The following ROBO2 variants were observed in gnomAD, a reference collection of about 807,000 sequenced individuals.
The protein encoded by ROBO2 is roundabout guidance receptor 2, also known as roundabout homolog 2.
In ROBO2, 53 loss-of-function variants were observed where a neutral mutation model predicts 160.8. The observed-to-expected ratio is 0.33, with a 90% CI of 0.26 to 0.41. The LOEUF (loss-of-function observed/expected upper bound fraction) is 0.41. Ranked by LOEUF, ROBO2 falls within the 10% of genes least tolerant of loss-of-function variation. ROBO2 has a pLI of 1.00. For synonymous variants in ROBO2, 664 were observed against 611.7 expected (o/e 1.09, Z -1.26); for missense variants, 1,577 against 1,722.4 (o/e 0.92, Z 1.49).
At chr3:77,339,118 C>T (rs2066790069) in intron 2 of ROBO2, among the ~76,000 whole-genome samples, 1 of 151,956 alleles carries the variant, frequency 6.6e-6, no homozygotes, top group South Asian at 2.1e-4. Flanking sequence ...CCTTATTTTA[C>T]AGGAGATGCG....
At chr3:76,537,587 A>G (rs918127069) in intron 2 of ROBO2, among the ~76,000 whole-genome samples, 12 of 152,090 alleles carry the variant, frequency 7.9e-5, no homozygotes, top group African/African-American at 2.4e-4. Context: ...TGAGGACCCA[A>G]GGTCATATGT....
At chr3:76,520,525 C>G (rs886416871) in intron 2 of ROBO2, among the ~76,000 whole-genome samples, 1 of 152,076 alleles carries the variant, frequency 6.6e-6, no homozygotes, top group African/African-American at 2.4e-5. Context: ...AATCAGAGTG[C>G]TTATAGTCAC....
rs541466221 is a variant in ROBO2 at position 76,892,082 on chromosome 3, G to A, written c.110-205932G>A. 8.6e-5 allele frequency among the ~76,000 whole-genome samples: 13 copies of A among 150,464 alleles called. No individual in the cohort carries two copies. In the South Asian group the frequency reaches 1.2e-3, roughly 14 times the overall value. The stretch of plus-strand genomic sequence containing the variant: ...GGACATTGATGAGATTAGACCTGAA[G>A]GATTTTCAGGAAACCTGTGACAATA... On this transcript the variant is annotated intron_variant, in intron 2 of 26. Transcript: ENST00000487694.
chr3:76,913,286 G>C (rs909740712), intron 2 of ROBO2, among the ~76,000 whole-genome samples: 2 of 152,084 alleles, frequency 1.3e-5, no homozygotes, highest in Admixed American at 1.3e-4. Context: ...TATTTCACCT[G>C]TGTTGAAGAT....
intron 2 of ROBO2, among the ~76,000 whole-genome samples, chr3:76,472,063 A>ATG (rs57259386): frequency 0.015 from 2,033 of 137,916 alleles, 22 homozygotes; most frequent in Middle Eastern, 0.031. Context: ...GTCTGATAAA[A>ATG]TGTGTGTGTG....
At chr3:76,542,970 G>A (rs544281468) in intron 2 of ROBO2, among the ~76,000 whole-genome samples, 1 of 152,060 alleles carries the variant, frequency 6.6e-6, no homozygotes, top group East Asian at 1.9e-4. Flanking sequence ...GTTTTCCTAC[G>A]ACATTCTCAT....
At chr3:76,655,148 C>T (rs1349013) in intron 2 of ROBO2, among the ~76,000 whole-genome samples, 46,653 of 149,130 alleles carry the variant, frequency 0.31, 8,216 homozygotes, top group South Asian at 0.45. Context: ...AAGAATTTCT[C>T]CTATTAATAT....
chr3:76,078,365 GTATT>G (rs1226965074), intron 2 of ROBO2, among the ~76,000 whole-genome samples: 1 of 151,982 alleles, frequency 6.6e-6, no homozygotes, highest in South Asian at 2.1e-4. Flanking sequence ...ATTTATTTAT[GTATT>G]TATTTATTTT....
At chr3:76,118,639 T>C (rs2070581935) in intron 2 of ROBO2, among the ~76,000 whole-genome samples, 1 of 152,164 alleles carries the variant, frequency 6.6e-6, no homozygotes, top group South Asian at 2.1e-4. Flanking sequence ...AAGAAGAATA[T>C]AGTAAAGAAG....
In ROBO2 at chr3:77,601,039, C is replaced by T. The variant is rs573626729; in HGVS notation, c.2855-1171C>T. On this transcript the variant is annotated intron_variant, in intron 19 of 25. Coordinates refer to ENST00000461745, the Ensembl canonical transcript of ROBO2. Reference sequence around the variant, plus strand: ...AACCTTCATAAAGACTTAAGTTATGCAGTGTACAAAATATAGTATACATTT... The same window carrying T: ...AACCTTCATAAAGACTTAAGTTATGTAGTGTACAAAATATAGTATACATTT... Among the ~76,000 whole-genome samples, 99 of 152,180 alleles carry T rather than the reference C, an allele frequency of 6.5e-4. 1 individual carries two copies. The highest frequency in any genetic ancestry group is 2.3e-3 in the African/African-American group (94 of 41,548).
At chr3:76,127,715 A>G (rs552342333) in intron 2 of ROBO2, among the ~76,000 whole-genome samples, 3 of 152,112 alleles carry the variant, frequency 2.0e-5, no homozygotes, top group East Asian at 3.9e-4. Flanking sequence ...AGGTGATAAC[A>G]CAACTTCTTA....
At chr3:77,612,154 C>T (rs1054754056) in intron 21 of ROBO2, among the ~76,000 whole-genome samples, 2 of 152,148 alleles carry the variant, frequency 1.3e-5, no homozygotes, top group Non-Finnish European at 2.9e-5. Context: ...AAACCTTCTC[C>T]AGGAAAGGTT....
At chr3:77,544,912 A>G (rs1421194540) in intron 6 of ROBO2, among the ~76,000 whole-genome samples, 1 of 152,092 alleles carries the variant, frequency 6.6e-6, no homozygotes, top group African/African-American at 2.4e-5. Context: ...GAAAACTTCC[A>G]ATGATACTGC....
At chr3:77,085,798 T>G (rs576611008) in intron 1 of ROBO2, among the ~76,000 whole-genome samples, 1 of 152,104 alleles carries the variant, frequency 6.6e-6, no homozygotes, top group African/African-American at 2.4e-5. Context: ...AAAGGTGTCA[T>G]TTAGAAATTT....
chr3:76,865,251 G>T (rs2071247777), intron 2 of ROBO2, among the ~76,000 whole-genome samples: 1 of 151,956 alleles, frequency 6.6e-6, no homozygotes, highest in African/African-American at 2.4e-5. Context: ...GCATTCTGTT[G>T]TGGCCCAATA....
chr3:76,830,920 T>C (rs551226012), intron 2 of ROBO2, among the ~76,000 whole-genome samples: 6 of 152,006 alleles, frequency 3.9e-5, no homozygotes, highest in African/African-American at 1.4e-4. Flanking sequence ...GCCCAGAAGA[T>C]GTAGGCTCTA....
intron 2 of ROBO2, among the ~76,000 whole-genome samples, chr3:76,666,739 A>G (rs1441944613): frequency 6.6e-6 from 1 of 152,256 alleles, no homozygotes; most frequent in Non-Finnish European, 1.5e-5. Flanking sequence ...AAAGTAATCA[A>G]ACCAGTTTAC....
intron 2 of ROBO2, among the ~76,000 whole-genome samples, chr3:76,976,930 C>G (rs971720343): frequency 1.4e-5 from 2 of 147,796 alleles, no homozygotes; most frequent in African/African-American, 5.4e-5. Flanking sequence ...AAATTCTGTG[C>G]TCATTTTAAT....
intron 2 of ROBO2, among the ~76,000 whole-genome samples, chr3:76,906,625 T>G (rs2075624528): frequency 6.6e-6 from 1 of 152,078 alleles, no homozygotes; most frequent in Non-Finnish European, 1.5e-5. Flanking sequence ...AGTTTACAGA[T>G]GATGAAACTA....
Sources: gnomAD v4.1 joint callset for allele counts (sites outside exome capture counted in the v4.1 genomes callset) on GRCh38, gnomAD v4.1.1 for gene constraint, MANE v1.5 for transcripts, NCBI Gene and HGNC (gene_info 2026-07-23, HGNC 2026-07-21) for gene names.